Variants in ERN1 observed in about 807,000 individuals in gnomAD.
ERN1 encodes serine/threonine-protein kinase/endoribonuclease IRE1.
ERN1 carries 39 observed loss-of-function variants against 113.1 expected under a neutral mutation model. The observed-to-expected ratio is 0.34, with a 90% confidence interval of 0.27 to 0.45. The LOEUF (loss-of-function observed/expected upper bound fraction) is 0.45, where lower values mean the gene tolerates loss of function less well. Ranked by LOEUF, ERN1 falls within the 20% of genes least tolerant of loss-of-function variation. The pLI is 1.00. For missense variants in ERN1, 976 were observed against 1,274.8 expected, an observed-to-expected ratio of 0.77 and a Z score of 3.57; for synonymous variants, 507 against 515.9, an observed-to-expected ratio of 0.98 and a Z score of 0.23.
In ERN1 at chr17:64,054,800, C is replaced by G. The variant is rs55653398; in HGVS notation, c.1701G>C (p.Gly567=). 6.2e-7 allele frequency: 1 copy of G among 1,609,692 alleles called. No homozygotes were observed. The highest frequency in any genetic ancestry group is 2.2e-5 in the East Asian group (1 of 44,808). ...GDEETSVVIV[G]KISFCPKDVL... ...CATCCTTGGGACAGAAGGAAATTTT[C>G]CCAACTATCACCACGCTGGTTTCCT... Residue 567 remains glycine (G), a synonymous_variant, in exon 14 of 22, where the codon GGG becomes GGC. Coordinates refer to ENST00000433197, the MANE Select transcript of ERN1 (RefSeq NM_001433.5). The surrounding 1 kb of genome is among the most constrained non-coding windows in gnomAD (Gnocchi z 4.9).
rs200339679 is a variant in ERN1, at chr17:64,113,750, C to T, written c.55-15509G>A. Among the ~76,000 whole-genome samples, 50 of 152,228 alleles carry T rather than the reference C, an allele frequency of 3.3e-4. No homozygotes were observed. The East Asian group carries it at 8.9e-3, about 27-fold the overall frequency. The stretch of plus-strand genomic sequence containing the variant: ...CCAGGCTGGAGTGCAGTGGCGTGAT[C>T]TCGGCCCACTGCAACCTTCACCTCC... On this transcript the variant is annotated intron_variant, in intron 1 of 21. Transcript: ENST00000433197.
In ERN1 at chr17:64,055,950, T is replaced by C. The variant is rs1912854813; in HGVS notation, c.1399-2A>G. Reference sequence around the variant, plus strand: ...GAGCTGCTGCTGCTGATGCATGCTCTGGGAAGAGAAACCCACATCCAGACA... The same window carrying C: ...GAGCTGCTGCTGCTGATGCATGCTCCGGGAAGAGAAACCCACATCCAGACA... On this transcript the variant is annotated splice_acceptor_variant, in intron 12 of 21. Coordinates refer to ENST00000433197, the MANE Select transcript of ERN1 (RefSeq NM_001433.5). LOFTEE classifies it high-confidence loss of function. 6.5e-7 allele frequency: 1 copy of C among 1,535,862 alleles called. No individual in the cohort carries two copies. Among genetic ancestry groups the C allele is most frequent in the African/African-American group, 1.4e-5 (1 of 72,628 alleles).
chr17:64,075,469 G>C (rs1314004086), intron 4 of ERN1, among the ~76,000 whole-genome samples: 1 of 152,080 alleles, frequency 6.6e-6, no homozygotes, highest in African/African-American at 2.4e-5. Flanking sequence ...GTCTCATTCT[G>C]TCGCCCAGGC....
At chr17:64,075,061 G>T (rs1913544040) in intron 5 of ERN1, 114 bp downstream of exon 5, 1 of 882,532 alleles carries the variant, frequency 1.1e-6, no homozygotes, top group Non-Finnish European at 1.8e-6. Flanking sequence ...GCACAACCCA[G>T]GAAAGAAAGG....
At position 64,044,234 on chromosome 17, in the gene ERN1, A is replaced by C. The variant is rs1298763356; in HGVS notation, c.2722-34T>G. On this transcript the variant is annotated intron_variant, in intron 21 of 21. Transcript: ENST00000433197. This position sits in a 1 kb window ranked among gnomAD's most constrained non-coding sequence, Gnocchi z 4.1. ...AGTTAGAAAGCTCGGGAGATTAGAAAGGGGTTAGAAAGCTCGGGAAATGTT... is the reference window on the plus strand; with the variant it reads ...AGTTAGAAAGCTCGGGAGATTAGAACGGGGTTAGAAAGCTCGGGAAATGTT... 1 of 1,428,394 alleles carries C rather than the reference A, an allele frequency of 7.0e-7. No homozygotes were observed. The highest frequency in any genetic ancestry group is 9.3e-7 in the Non-Finnish European group (1 of 1,072,134). The allele number at this position is 1,428,394 out of a possible 1,614,324, so 88.5% of individuals were successfully genotyped here.
At chr17:64,114,070 T>TAAAAAA (rs10718636) in intron 1 of ERN1, among the ~76,000 whole-genome samples, 1 of 112,426 alleles carries the variant, frequency 8.9e-6, no homozygotes, top group Non-Finnish European at 2.0e-5. Context: ...AGGTAAATGC[T>TAAAAAA]AAAAAAAAAA....
intron 6 of ERN1, among the ~76,000 whole-genome samples, chr17:64,069,366 C>T (rs1174148398): frequency 6.6e-6 from 1 of 151,952 alleles, no homozygotes; most frequent in East Asian, 1.9e-4. Context: ...GGAACAGAGA[C>T]AGTCAAATTG....
rs1912777040 is a variant in ERN1 at position 64,054,142 on chromosome 17, GT to G, written c.1953+107del. The G allele has an allele frequency of 2.0e-6, 2 of 999,422 alleles. No homozygotes were observed. The highest frequency in any genetic ancestry group is 5.2e-5 in the Admixed American group (2 of 38,632). 61.9% of individuals were successfully genotyped at this position (999,422 alleles called of 1,614,324 possible). A position where few individuals can be genotyped will look rare whatever the true frequency, so the allele number is the denominator to read the frequency against. ...CTTTGTAGAGATGGGGTTTCACCAT[GT>G]TGTCCAGGCTGGTCTCAAACTCCTG... On this transcript the variant is annotated intron_variant, in intron 15 of 21. Coordinates refer to ENST00000433197, the MANE Select transcript of ERN1 (RefSeq NM_001433.5). This position sits in a 1 kb window ranked among gnomAD's most constrained non-coding sequence, Gnocchi z 4.9.
chr17:64,046,883 G>A (rs1912531158), intron 19 of ERN1, among the ~76,000 whole-genome samples: 2 of 152,204 alleles, frequency 1.3e-5, no homozygotes, highest in South Asian at 4.1e-4. Flanking sequence ...ATTCATACAT[G>A]GAAGACTTTG....
chr17:64,065,361 C>T, intron 8 of ERN1, 74 bp from the exon 9 acceptor site: 3 of 1,100,616 alleles, frequency 2.7e-6, no homozygotes, highest in East Asian at 5.2e-5. Flanking sequence ...TAATCATCAC[C>T]CCAAATACCA....
chr17:64,080,914 C>T, intron 2 of ERN1, 106 bp from the exon 3 acceptor site: 1 of 1,119,128 alleles, frequency 8.9e-7, no homozygotes, highest in Non-Finnish European at 1.3e-6. Flanking sequence ...AACTTTCTCC[C>T]TCCTGTTAAC....
intron 2 of ERN1, among the ~76,000 whole-genome samples, chr17:64,096,201 C>T (rs892323043): frequency 6.6e-6 from 1 of 152,192 alleles, no homozygotes; most frequent in South Asian, 2.1e-4. Context: ...GCAAGCAAAG[C>T]TTCATCTGTA....
chr17:64,055,562 A>G lies in ERN1; in HGVS notation c.1672+113T>C, dbSNP rs559859242. 42 of 1,020,432 alleles carry G rather than the reference A, an allele frequency of 4.1e-5. No homozygotes were observed. The African/African-American group carries it at 6.3e-4, about 15-fold the overall frequency. The allele number at this position is 1,020,432 out of a possible 1,614,324, so 63.2% of individuals were successfully genotyped here. ...ACCCCCAGAGTGGAAGTTAGAGGAGAACACAGTGAACCCCTGAGAATGGTA... is the reference window on the plus strand; with the variant it reads ...ACCCCCAGAGTGGAAGTTAGAGGAGGACACAGTGAACCCCTGAGAATGGTA... On this transcript the variant is annotated intron_variant, in intron 13 of 21. Coordinates refer to ENST00000433197, the MANE Select transcript of ERN1 (RefSeq NM_001433.5).
intron 12 of ERN1, among the ~76,000 whole-genome samples, chr17:64,056,155 T>C (rs1296021959): frequency 2.6e-5 from 4 of 152,198 alleles, no homozygotes; most frequent in Admixed American, 6.5e-5. Context: ...TCCTTGCTCA[T>C]ACAGCCCACT....
chr17:64,105,938 C>A (rs1392092454), intron 1 of ERN1, among the ~76,000 whole-genome samples: 1 of 142,976 alleles, frequency 7.0e-6, no homozygotes, highest in Non-Finnish European at 1.5e-5. Context: ...CCAGCCTAGG[C>A]GACAAGAGCA....
Position 64,057,916 on chromosome 17 carries a change from A to G in ERN1, c.1284T>C (p.His428=), listed in dbSNP as rs780124013. 57 of 1,612,010 alleles carry G rather than the reference A, an allele frequency of 3.5e-5. No homozygotes were observed. In the East Asian group the frequency reaches 8.7e-4, roughly 25 times the overall value. The part of the protein sequence containing the change: ...VSRDVEEKPA[H]APARPEAPVD... ...CGGGGGCCTCGGGCCGGGCAGGGGC[A>G]TGGGCGGGCTTCTCCTCCACATCCC... is the stretch of plus-strand genomic sequence containing the variant. The change falls in exon 12 of 22, where the codon CAT becomes CAC. Residue 428 remains histidine (H), a synonymous_variant. Transcript: ENST00000433197.
At chr17:64,124,623 G>T (rs994178772) in intron 1 of ERN1, among the ~76,000 whole-genome samples, 6 of 152,132 alleles carry the variant, frequency 3.9e-5, no homozygotes, top group East Asian at 1.9e-4. Context: ...CTTTTTTCAT[G>T]ATTGTGAGGC....
chr17:64,126,705 C>T (rs1056851660), intron 1 of ERN1, among the ~76,000 whole-genome samples: 1 of 152,124 alleles, frequency 6.6e-6, no homozygotes, highest in African/African-American at 2.4e-5. Flanking sequence ...TACTTATGGC[C>T]TCAGTATAAA....
At chr17:64,113,530 GAC>G (rs1914725937) in intron 1 of ERN1, among the ~76,000 whole-genome samples, 1 of 148,752 alleles carries the variant, frequency 6.7e-6, no homozygotes, top group Non-Finnish European at 1.5e-5. Flanking sequence ...TTTTTTTTGA[GAC>G]AGAGTCTCGC....
Sources: gnomAD v4.1 joint callset for allele counts (sites outside exome capture counted in the v4.1 genomes callset) on GRCh38, gnomAD v4.1.1 for gene constraint, Gnocchi (gnomAD v3.1) non-coding constraint, MANE v1.5 for transcripts, NCBI Gene and HGNC (gene_info 2026-07-23, HGNC 2026-07-21) for gene names.